CYLC2: variants seen among roughly 807,000 people sequenced by gnomAD.
CYLC2 encodes cylicin-2.
Under a neutral mutation model 26.1 loss-of-function variants are expected in CYLC2, and 30 were observed. The ratio of observed to expected loss-of-function variants is 1.15; its 90% CI spans 0.86 to 1.56. The LOEUF is 1.56. Ranked by LOEUF, CYLC2 falls within the 40% of genes most tolerant of loss-of-function variation. The probability of loss-of-function intolerance (pLI) is 0.00; values close to 1 mark genes in which losing one functional copy is unlikely to be tolerated. For missense variants in CYLC2, 498 were observed against 394.4 expected (o/e 1.26, Z -2.23); for synonymous variants, 158 against 132.8 (o/e 1.19, Z -1.31).
chr9:103,009,621 A>T (rs1829385033), intron 5 of CYLC2, among the ~76,000 whole-genome samples: 1 of 152,136 alleles, frequency 6.6e-6, no homozygotes, highest in Non-Finnish European at 1.5e-5. Context: ...GTTATTACTG[A>T]CTATAGTCAT....
Position 103,004,959 on chromosome 9 carries a change from T to G in CYLC2, c.338-10T>G. The G allele has an allele frequency of 6.3e-7, 1 of 1,577,614 alleles. No homozygotes were observed. The highest frequency in any genetic ancestry group is 1.2e-5 in the South Asian group (1 of 84,466). On this transcript the variant is annotated splice_polypyrimidine_tract_variant and intron_variant, in intron 4 of 7. Transcript: ENST00000374798. ...CCCATTTTAAGAAATATTTGAATATTTATCCCCAGAAATTGGTAAGAAAGG... is the reference window on the plus strand; with the variant it reads ...CCCATTTTAAGAAATATTTGAATATGTATCCCCAGAAATTGGTAAGAAAGG...
At chr9:103,004,212 G>T (rs1829316103) in intron 3 of CYLC2, among the ~76,000 whole-genome samples, 1 of 152,134 alleles carries the variant, frequency 6.6e-6, no homozygotes, top group African/African-American at 2.4e-5. Context: ...CCAAGCAATA[G>T]GAGTTTCAGG....
rs1379630890 is a variant in CYLC2, at chr9:102,995,343, T to C, written c.-38T>C. The stretch of plus-strand genomic sequence containing the variant: ...CCTTTCAACATCACCAGTTTGAACT[T>C]ACAATACTTAAGTCCTGGCAAGTCA... On this transcript the variant is annotated 5_prime_UTR_variant, in exon 1 of 8. Coordinates refer to ENST00000374798, the MANE Select transcript of CYLC2 (RefSeq NM_001340.5). The C allele has an allele frequency of 1.9e-6, 3 of 1,570,076 alleles. No homozygotes were observed. The highest frequency in any genetic ancestry group is 2.6e-6 in the Non-Finnish European group (3 of 1,141,116).
chr9:102,995,933 T>C (rs1829232840), intron 1 of CYLC2, among the ~76,000 whole-genome samples: 1 of 151,828 alleles, frequency 6.6e-6, no homozygotes, highest in Non-Finnish European at 1.5e-5. Context: ...AAGCATATAA[T>C]CCAGACATGA....
intron 5 of CYLC2, among the ~76,000 whole-genome samples, chr9:103,008,398 T>A (rs1829373531): frequency 1.3e-5 from 2 of 152,130 alleles, no homozygotes; most frequent in Admixed American, 1.3e-4. Flanking sequence ...AAAAAATGGC[T>A]TTACATACCA....
At chr9:103,007,585 A>G (rs147440892) in intron 5 of CYLC2, among the ~76,000 whole-genome samples, 1 of 152,126 alleles carries the variant, frequency 6.6e-6, no homozygotes, top group African/African-American at 2.4e-5. Flanking sequence ...GTGACCCATA[A>G]GTCCTGTTGA....
chr9:103,008,387 A>G (rs796225787), intron 5 of CYLC2, among the ~76,000 whole-genome samples: 1 of 152,100 alleles, frequency 6.6e-6, no homozygotes, highest in South Asian at 2.1e-4. Context: ...AATAAAAATG[A>G]AAAAAATGGC....
At chr9:103,013,156 T>TATATTTTATATAAATATATATTTA (rs1554713502) in intron 6 of CYLC2, among the ~76,000 whole-genome samples, 1 of 111,244 alleles carries the variant, frequency 9.0e-6, no homozygotes, top group East Asian at 2.6e-4. Context: ...CATATATAAA[T>TATATTTTATATAAATATATATTTA]ATATATTATA....
At chr9:102,995,661 T>A (rs969161636) in intron 1 of CYLC2, among the ~76,000 whole-genome samples, 3 of 151,940 alleles carry the variant, frequency 2.0e-5, no homozygotes, top group African/African-American at 7.2e-5. Context: ...CTTACTTGAT[T>A]TTTTTATCAC....
chr9:103,002,468 C>T (rs1829298445), intron 2 of CYLC2, among the ~76,000 whole-genome samples: 1 of 144,646 alleles, frequency 6.9e-6, no homozygotes, highest in African/African-American at 2.6e-5. Context: ...TGGGTTCACA[C>T]CATTCTCCTG....
At chr9:103,011,195 T>A (rs1829403109) in intron 5 of CYLC2, among the ~76,000 whole-genome samples, 1 of 152,048 alleles carries the variant, frequency 6.6e-6, no homozygotes, top group Non-Finnish European at 1.5e-5. Flanking sequence ...TTTTTATTAT[T>A]TCATTTATTA....
At chr9:103,014,868 GTAATATA>G (rs1829477896) in intron 6 of CYLC2, among the ~76,000 whole-genome samples, 1 of 125,674 alleles carries the variant, frequency 8.0e-6, no homozygotes, top group African/African-American at 3.1e-5. Flanking sequence ...CATAATATAT[GTAATATA>G]CTATGTATAT....
chr9:103,012,305 C>T lies in CYLC2; in HGVS notation c.*816+208C>T, dbSNP rs115731606. 5.1e-3 allele frequency among the ~76,000 whole-genome samples: 780 copies of T among 152,054 alleles called. 6 individuals are homozygous for T. The highest frequency in any genetic ancestry group is 0.018 in the African/African-American group (738 of 41,504). ...TGAGGCAAACATACACAGCCCCTGG[C>T]CTCCTTTCAGTCATTTAGTATTTTT... On this transcript the variant is annotated intron_variant, in intron 6 of 7. Coordinates refer to ENST00000374798, the MANE Select transcript of CYLC2 (RefSeq NM_001340.5).
chr9:103,001,485 T>C, intron 1 of CYLC2, 93 bp from the exon 2 acceptor site: 1 of 700,200 alleles, frequency 1.4e-6, no homozygotes, highest in South Asian at 1.7e-5. Flanking sequence ...ATTTCTCTAG[T>C]TGTTGGTTGC....
At chr9:103,007,670 T>G (rs945189605) in intron 5 of CYLC2, among the ~76,000 whole-genome samples, 10 of 152,242 alleles carry the variant, frequency 6.6e-5, no homozygotes, top group African/African-American at 2.4e-4. Context: ...GACAATTCAT[T>G]TATTTCTGAT....
At chr9:103,001,935 C>G (rs1043568616) in intron 2 of CYLC2, among the ~76,000 whole-genome samples, 1 of 152,074 alleles carries the variant, frequency 6.6e-6, no homozygotes, top group Admixed American at 6.6e-5. Context: ...TTGTTTATGT[C>G]AGGAATTTCT....
intron 2 of CYLC2, 93 bp downstream of exon 2, chr9:103,001,711 C>G: frequency 1.3e-6 from 1 of 789,642 alleles, no homozygotes; most frequent in Admixed American, 2.7e-5. Flanking sequence ...CAAACATTGC[C>G]ATGGAATAAA....
At chr9:103,002,525 C>T (rs1564096898) in intron 2 of CYLC2, among the ~76,000 whole-genome samples, 1 of 151,836 alleles carries the variant, frequency 6.6e-6, no homozygotes, top group African/African-American at 2.4e-5. Context: ...GCCACCACAC[C>T]TGGTTTTTAG....
At chr9:102,998,343 T>A (rs547323905) in intron 1 of CYLC2, among the ~76,000 whole-genome samples, 2 of 150,310 alleles carry the variant, frequency 1.3e-5, no homozygotes, top group South Asian at 4.1e-4. Context: ...TACATTCATA[T>A]AAATATATCT....
Sources: gnomAD v4.1 joint callset for allele counts (sites outside exome capture counted in the v4.1 genomes callset) on GRCh38, gnomAD v4.1.1 for gene constraint, MANE v1.5 for transcripts, NCBI Gene and HGNC (gene_info 2026-07-23, HGNC 2026-07-21) for gene names.